Variants in CCSER2 observed in about 807,000 individuals in gnomAD.
CCSER2 encodes the protein serine-rich coiled-coil domain-containing protein 2.
Under a neutral mutation model 92.3 loss-of-function variants are expected in CCSER2, and 46 were observed. That is an observed-to-expected ratio of 0.50 (90% CI 0.39 to 0.64). CCSER2 has a LOEUF of 0.64. CCSER2 is among the 30% of genes least tolerant of loss of function. CCSER2 has a pLI of 0.00. For synonymous variants in CCSER2, 433 were observed against 431.4 expected, an observed-to-expected ratio of 1.00 and a Z score of -0.04; for missense variants, 1,244 against 1,238.9, an observed-to-expected ratio of 1.00 and a Z score of -0.06.
In CCSER2 at chr10:84,515,718, A is replaced by G. The variant is rs1297953615; in HGVS notation, c.*1451A>G. On this transcript the variant is annotated 3_prime_UTR_variant, in exon 10 of 10. Coordinates refer to ENST00000372088, the MANE Select transcript of CCSER2 (RefSeq NM_001284240.2). ...CTCGTCTATGGTGTATTTTTGAAAG[A>G]CAATTTTTTAAAGGTAGATTTGGGA... 1 of 152,210 alleles carries G rather than the reference A, an allele frequency of 6.6e-6. No individual in the cohort carries two copies. Among genetic ancestry groups the G allele is most frequent in the Non-Finnish European group, 1.5e-5 (1 of 68,040 alleles). The allele number at this position is 152,210 out of a possible 1,614,324, so 9.4% of individuals were successfully genotyped here.
chr10:84,501,593 G>A (rs1312459701), intron 9 of CCSER2, among the ~76,000 whole-genome samples: 5 of 151,120 alleles, frequency 3.3e-5, no homozygotes, highest in Non-Finnish European at 7.4e-5. Context: ...TCTTTTCCTT[G>A]ATTCAGTGGC....
At position 84,371,406 on chromosome 10, in the gene CCSER2, T is replaced by G; in HGVS notation, c.354T>G (p.Ser118=). 2 of 1,613,550 alleles carry G rather than the reference T, an allele frequency of 1.2e-6. No individual in the cohort carries two copies. The highest frequency in any genetic ancestry group is 1.7e-6 in the Non-Finnish European group (2 of 1,179,762). Reference sequence around the variant, plus strand: ...TAAAGGGAGGTTTGAAAAGTGTTTCTTTATTCACATCAAAGTTAGCAAAGC... The same window carrying G: ...TAAAGGGAGGTTTGAAAAGTGTTTCGTTATTCACATCAAAGTTAGCAAAGC... The part of the protein sequence containing the change: ...NGIKGGLKSV[S]LFTSKLAKPS... Residue 118 remains serine (S), a synonymous_variant, in exon 2 of 10, where the codon TCT becomes TCG. Transcript: ENST00000372088.
chr10:84,439,631 T>C (rs2133517923), intron 6 of CCSER2, among the ~76,000 whole-genome samples: 1 of 152,354 alleles, frequency 6.6e-6, no homozygotes, highest in Non-Finnish European at 1.5e-5. Context: ...GGTAAATTGT[T>C]TTCTGTTACT....
intron 9 of CCSER2, among the ~76,000 whole-genome samples, chr10:84,497,719 G>A (rs376728882): frequency 2.6e-4 from 39 of 152,228 alleles, no homozygotes; most frequent in African/African-American, 7.7e-4. Context: ...AAACTCCTGC[G>A]AACTTATAGG....
chr10:84,428,913 C>T (rs550367612), intron 5 of CCSER2, among the ~76,000 whole-genome samples: 2 of 144,820 alleles, frequency 1.4e-5, no homozygotes, highest in Admixed American at 6.8e-5. Context: ...TGGTATGTTG[C>T]GTGTTGTGTT....
intron 9 of CCSER2, among the ~76,000 whole-genome samples, chr10:84,489,687 T>G (rs1262337766): frequency 2.6e-5 from 4 of 152,206 alleles, no homozygotes; most frequent in Non-Finnish European, 5.9e-5. Context: ...TCTTGACTCT[T>G]TATCCAATTT....
intron 9 of CCSER2, among the ~76,000 whole-genome samples, chr10:84,497,087 G>T (rs1003893287): frequency 6.6e-6 from 1 of 152,170 alleles, no homozygotes; most frequent in African/African-American, 2.4e-5. Context: ...TTTCAGGGTG[G>T]TTATATTTAA....
In CCSER2 at chr10:84,438,639, C is replaced by T. The variant is rs763740311; in HGVS notation, c.1996C>T (p.Arg666Trp). Residue 666 changes from arginine to tryptophan, a missense_variant, in exon 6 of 10, where the codon CGG becomes TGG. Coordinates refer to ENST00000372088, the MANE Select transcript of CCSER2 (RefSeq NM_001284240.2). Reference protein sequence around the residue: ...NTVILDEMTLRHMVQDCTAVK... With the variant: ...NTVILDEMTLWHMVQDCTAVK... ...AGTGATACTGGATGAGATGACCCTT[C>T]GGCACATGGTTCAGGATTGCACTGC... is the stretch of plus-strand genomic sequence containing the variant. The T allele has an allele frequency of 1.3e-5, 21 of 1,613,594 alleles. No homozygotes were observed. Among genetic ancestry groups the T allele is most frequent in the Middle Eastern group, 3.3e-4 (2 of 6,084 alleles).
intron 5 of CCSER2, among the ~76,000 whole-genome samples, chr10:84,437,150 CAGAGAG>C (rs71013323): frequency 5.4e-4 from 42 of 77,180 alleles, no homozygotes; most frequent in East Asian, 2.5e-3. Flanking sequence ...CACACACACA[CAGAGAG>C]AGAGAGAGAG....
chr10:84,397,207 A>T (rs1160426007), intron 3 of CCSER2, among the ~76,000 whole-genome samples: 3 of 152,202 alleles, frequency 2.0e-5, no homozygotes, highest in Admixed American at 2.0e-4. Flanking sequence ...GCATTGATTA[A>T]TAAATCTCTG....
At chr10:84,510,884 T>C (rs1849313999) in intron 9 of CCSER2, among the ~76,000 whole-genome samples, 1 of 152,224 alleles carries the variant, frequency 6.6e-6, no homozygotes, top group South Asian at 2.1e-4. Context: ...CCTCACATTA[T>C]AGGTGTTTCT....
chr10:84,371,576 G>A lies in CCSER2; in HGVS notation c.524G>A (p.Gly175Glu), dbSNP rs1846063545. 1 of 1,613,710 alleles carries A rather than the reference G, an allele frequency of 6.2e-7. No individual in the cohort carries two copies. Among genetic ancestry groups the A allele is most frequent in the African/African-American group, 1.3e-5 (1 of 75,020 alleles). ...AATACTCCAAAATCACAGTTGAATG[G>A]ATTTTATGGAAACCGATCAGCTGGT... The part of the protein sequence containing the change: ...SINTPKSQLN[G>E]FYGNRSAGSM... The change falls in exon 2 of 10, where the codon GGA (glycine) becomes GAA (glutamate). Residue 175 changes from glycine (G) to glutamate (E), a missense_variant. Coordinates refer to ENST00000372088, the MANE Select transcript of CCSER2 (RefSeq NM_001284240.2).
At chr10:84,423,843 A>G (rs966191687) in intron 4 of CCSER2, among the ~76,000 whole-genome samples, 2 of 152,094 alleles carry the variant, frequency 1.3e-5, no homozygotes, top group African/African-American at 4.8e-5. Context: ...GCACTAAGCT[A>G]AAAGCAATTT....
intron 7 of CCSER2, among the ~76,000 whole-genome samples, chr10:84,469,983 A>G (rs1846681138): frequency 6.7e-6 from 1 of 148,722 alleles, no homozygotes; most frequent in Non-Finnish European, 1.5e-5. Flanking sequence ...TATCCCTTGA[A>G]GTCTAGCTGA....
In CCSER2 at chr10:84,426,897, TGTTCC is replaced by T. The variant is rs1216477811; in HGVS notation, c.1868+1005_1868+1009del. Reference sequence around the variant, plus strand: ...GTTAAGCAACATTTTCAAACAACTGTGTTCCTTGGATGTCAGCAGTTGTAAGAAAA... The same window carrying T: ...GTTAAGCAACATTTTCAAACAACTGTTTGGATGTCAGCAGTTGTAAGAAAA... On this transcript the variant is annotated intron_variant, in intron 5 of 9. Transcript: ENST00000372088. Among the ~76,000 whole-genome samples the T allele has an allele frequency of 3.9e-5, 6 of 152,358 alleles. No individual in the cohort carries two copies. In the East Asian group the frequency reaches 1.2e-3, roughly 29 times the overall value.
chr10:84,371,394 G>A lies in CCSER2; in HGVS notation c.342G>A (p.Leu114=). The A allele has an allele frequency of 6.2e-7, 1 of 1,613,470 alleles. No individual in the cohort carries two copies. The highest frequency in any genetic ancestry group is 8.5e-7 in the Non-Finnish European group (1 of 1,179,772). ...ATAAAAATGGGATAAAGGGAGGTTTGAAAAGTGTTTCTTTATTCACATCAA... is the reference window on the plus strand; with the variant it reads ...ATAAAAATGGGATAAAGGGAGGTTTAAAAAGTGTTTCTTTATTCACATCAA... The part of the protein sequence containing the change: ...MFDKNGIKGG[L]KSVSLFTSKL... Residue 114 remains leucine (L), a synonymous_variant, in exon 2 of 10, where the codon TTG becomes TTA. Transcript: ENST00000372088.
intron 8 of CCSER2, among the ~76,000 whole-genome samples, chr10:84,476,491 C>G (rs1420195364): frequency 2.5e-5 from 3 of 118,332 alleles, no homozygotes; most frequent in African/African-American, 6.6e-5. Context: ...GTCACCCAGG[C>G]TGGAGTGCAG....
At chr10:84,506,531 C>T (rs1301481025) in intron 9 of CCSER2, among the ~76,000 whole-genome samples, 1 of 152,194 alleles carries the variant, frequency 6.6e-6, no homozygotes, top group African/African-American at 2.4e-5. Context: ...TGGTGGCTCA[C>T]GCCTGTGATC....
intron 3 of CCSER2, among the ~76,000 whole-genome samples, chr10:84,381,900 A>G (rs1377225843): frequency 1.4e-5 from 2 of 144,622 alleles, no homozygotes; most frequent in Non-Finnish European, 3.0e-5. Context: ...AGCCTGGGTG[A>G]CAGAGCAAGG....
Sources: allele counts gnomAD v4.1 joint callset (sites outside exome capture counted in the v4.1 genomes callset), GRCh38; gene constraint gnomAD v4.1.1; transcripts MANE v1.5; gene names NCBI Gene and HGNC (gene_info 2026-07-23, HGNC 2026-07-21).